NPEPPS: variants seen among roughly 807,000 people sequenced by gnomAD.
NPEPPS encodes puromycin-sensitive aminopeptidase.
NPEPPS carries 14 observed loss-of-function variants against 115.5 expected under a neutral mutation model. The observed-to-expected ratio is 0.12, with a 90% confidence interval of 0.08 to 0.19. The LOEUF (loss-of-function observed/expected upper bound fraction) is 0.19, where lower values mean the gene tolerates loss of function less well. Among genes scored for constraint, NPEPPS ranks in the 10% least tolerant of loss-of-function variants. The pLI is 1.00. For synonymous variants in NPEPPS, 285 were observed against 390.6 expected (o/e 0.73, Z 3.19); for missense variants, 523 against 1,110.8 (o/e 0.47, Z 7.52).
upstream of NPEPPS, among the ~76,000 whole-genome samples, chr17:47,526,899 A>G (rs1455111925): frequency 6.6e-6 from 1 of 152,166 alleles, no homozygotes; most frequent in African/African-American, 2.4e-5. Flanking sequence ...CGGAGCTTGC[A>G]GTGAGCTGAG....
In NPEPPS at chr17:47,622,659, A is replaced by G; in HGVS notation, c.*739A>G. 3.1e-6 allele frequency: 1 copy of G among 321,478 alleles called. No individual in the cohort carries two copies. The highest frequency in any genetic ancestry group is 5.8e-6 in the Non-Finnish European group (1 of 171,722). 19.9% of individuals were successfully genotyped at this position (321,478 alleles called of 1,614,324 possible). ...TGGTGTCCTTCTTAGAGATGAAGAA[A>G]TAATAAGGAAACATCTTTCATAGCC... On this transcript the variant is annotated 3_prime_UTR_variant, in exon 23 of 23. Coordinates refer to ENST00000322157, the MANE Select transcript of NPEPPS (RefSeq NM_006310.4).
Position 47,552,936 on chromosome 17 carries a change from GA to G in NPEPPS, c.340+6944del, listed in dbSNP as rs1453293185. ...TAGGTAATAAAACTGATAAATGTTA[GA>G]GCCAGGATTCAAACCCAGGCGGTTT... On this transcript the variant is annotated intron_variant, in intron 2 of 22. Coordinates refer to ENST00000322157, the MANE Select transcript of NPEPPS (RefSeq NM_006310.4). Among the ~76,000 whole-genome samples the G allele has an allele frequency of 3.3e-5, 5 of 152,272 alleles. No individual in the cohort carries two copies. In the East Asian group the frequency reaches 9.6e-4, roughly 29 times the overall value.
intron 2 of NPEPPS, among the ~76,000 whole-genome samples, chr17:47,552,844 A>G (rs1213401106): frequency 6.6e-6 from 1 of 152,216 alleles, no homozygotes; most frequent in Non-Finnish European, 1.5e-5. Flanking sequence ...TTTACTCTAT[A>G]CCAGGCACTA....
rs569458354 is a variant in NPEPPS at position 47,591,448 on chromosome 17, G to A, written c.1261-508G>A. Among the ~76,000 whole-genome samples the A allele has an allele frequency of 2.5e-3, 376 of 152,198 alleles. 3 individuals carry two copies. Among genetic ancestry groups the A allele is most frequent in the African/African-American group, 8.7e-3 (362 of 41,530 alleles). ...CTATGGTTCCATTGTTTATGTCAAGGAAAATTCTGGACATATTTTATTGTC... is the reference window on the plus strand; with the variant it reads ...CTATGGTTCCATTGTTTATGTCAAGAAAAATTCTGGACATATTTTATTGTC... On this transcript the variant is annotated intron_variant, in intron 10 of 22. Coordinates refer to ENST00000322157, the MANE Select transcript of NPEPPS (RefSeq NM_006310.4).
Position 47,524,159 on chromosome 17 carries a change from T to C in NPEPPS, c.77+1096T>C, listed in dbSNP as rs551066045. The stretch of plus-strand genomic sequence containing the variant: ...CCTCTCTACTAAAAATACAAAAAAT[T>C]AGCTGGGCGTGGTGGCAGGCACCTG... On this transcript the variant is annotated intron_variant, in intron 1 of 5. Coordinates refer to the NPEPPS transcript ENST00000525007. Among the ~76,000 whole-genome samples, 181 of 151,732 alleles carry C rather than the reference T, an allele frequency of 1.2e-3. 1 individual carries two copies. Among genetic ancestry groups the C allele is most frequent in the African/African-American group, 4.2e-3 (173 of 41,400 alleles).
chr17:47,547,408 A>T (rs868282945), intron 2 of NPEPPS, among the ~76,000 whole-genome samples: 1 of 151,118 alleles, frequency 6.6e-6, no homozygotes, highest in Non-Finnish European at 1.5e-5. Flanking sequence ...GGGCAGTGGC[A>T]TGATCTCAAC....
intron 1 of NPEPPS, among the ~76,000 whole-genome samples, chr17:47,534,599 C>G (rs924499885): frequency 1.3e-5 from 2 of 152,016 alleles, no homozygotes; most frequent in Non-Finnish European, 2.9e-5. Context: ...CGCTCTTTCT[C>G]CCAGGCTGGA....
At position 47,621,985 on chromosome 17, in the gene NPEPPS, C is replaced by CAGCT. The variant is rs2144003783; in HGVS notation, c.*66_*69dup. On this transcript the variant is annotated 3_prime_UTR_variant, in exon 23 of 23. Coordinates refer to ENST00000322157, the MANE Select transcript of NPEPPS (RefSeq NM_006310.4). The stretch of plus-strand genomic sequence containing the variant: ...GCAGGGATAAGGTGGAGCTACCGAA[C>CAGCT]AGCTGATTCATATGCCAAGAATTTG... 6.8e-7 allele frequency: 1 copy of CAGCT among 1,463,212 alleles called. No homozygotes were observed. Among genetic ancestry groups the CAGCT allele is most frequent in the East Asian group, 2.5e-5 (1 of 39,962 alleles). The allele number at this position is 1,463,212 out of a possible 1,614,324, so 90.6% of individuals were successfully genotyped here.
In NPEPPS at chr17:47,605,523, G is replaced by T; in HGVS notation, c.2066G>T (p.Arg689Ile). ...GATGTCTTTTCACCTATAGGGGAGA[G>T]ACTGGGCTGGGACCCCAAACCTGGA... ...VKDVFSPIGERLGWDPKPGEG... is the reference protein window; with the variant it reads ...VKDVFSPIGEILGWDPKPGEG... The change falls in exon 17 of 23, where the codon AGA becomes ATA. Residue 689 changes from arginine (R) to isoleucine (I), a missense_variant. Around this residue, in one of 4 missense-constraint regions of NPEPPS, gnomAD observed 372 missense variants for 542.6 expected, o/e 0.69. Coordinates refer to ENST00000322157, the MANE Select transcript of NPEPPS (RefSeq NM_006310.4). The T allele has an allele frequency of 6.3e-7, 1 of 1,595,888 alleles. No individual in the cohort carries two copies. The highest frequency in any genetic ancestry group is 8.5e-7 in the Non-Finnish European group (1 of 1,170,224).
In NPEPPS at chr17:47,601,471, G is replaced by C. The variant is rs918871105; in HGVS notation, c.1601-137G>C. 6.1e-6 allele frequency: 5 copies of C among 822,970 alleles called. No individual in the cohort carries two copies. In the Admixed American group the frequency reaches 7.4e-5, roughly 12 times the overall value. The allele number at this position is 822,970 out of a possible 1,614,324, so 51.0% of individuals were successfully genotyped here. ...CTGATACTATTCAGGTTATCTGGAA[G>C]AGTTCATGTACCACTAAGAATGAAC... On this transcript the variant is annotated intron_variant, in intron 14 of 22. Transcript: ENST00000322157.
intron 2 of NPEPPS, among the ~76,000 whole-genome samples, chr17:47,562,497 A>AT (rs1466205005): frequency 6.6e-6 from 1 of 151,914 alleles, no homozygotes; most frequent in Non-Finnish European, 1.5e-5. Context: ...AAGCAATTTG[A>AT]TTTTTCTCCA....
chr17:47,619,550 G>A (rs1438075984), intron 21 of NPEPPS, 187 bp from the exon 22 acceptor site: 10 of 575,512 alleles, frequency 1.7e-5, no homozygotes, highest in South Asian at 4.1e-5. Context: ...GTGAAACTCC[G>A]TCTCAAAAAA....
intron 2 of NPEPPS, among the ~76,000 whole-genome samples, chr17:47,554,135 G>T (rs1271054481): frequency 6.6e-6 from 1 of 151,628 alleles, no homozygotes; most frequent in Admixed American, 6.6e-5. Flanking sequence ...CTGCCTCCTG[G>T]GTTTAAGCAA....
intron 2 of NPEPPS, among the ~76,000 whole-genome samples, chr17:47,549,998 A>G (rs895801237): frequency 1.3e-5 from 2 of 149,126 alleles, no homozygotes; most frequent in African/African-American, 4.9e-5. Flanking sequence ...GCAGTGGCGC[A>G]GTCTCGGCTC....
intron 14 of NPEPPS, among the ~76,000 whole-genome samples, 180 bp from the exon 15 acceptor site, chr17:47,601,428 A>T (rs571841419): frequency 1.8e-4 from 28 of 152,232 alleles, no homozygotes; most frequent in African/African-American, 6.5e-4. Context: ...TTGTTAGTAA[A>T]TGATCCCTTC....
chr17:47,549,096 G>T (rs1909445443), intron 2 of NPEPPS, among the ~76,000 whole-genome samples: 1 of 152,002 alleles, frequency 6.6e-6, no homozygotes, highest in African/African-American at 2.4e-5. Context: ...TGTAATCCCA[G>T]CACTTTGGGA....
intron 1 of NPEPPS, among the ~76,000 whole-genome samples, chr17:47,541,263 G>T (rs1293765787): frequency 6.6e-6 from 1 of 152,030 alleles, no homozygotes; most frequent in Non-Finnish European, 1.5e-5. Context: ...ATTAAGACCA[G>T]TAACTAAACC....
intron 3 of NPEPPS, among the ~76,000 whole-genome samples, chr17:47,575,588 T>C (rs1358872693): frequency 1.4e-5 from 2 of 144,994 alleles, no homozygotes; most frequent in African/African-American, 2.6e-5. Context: ...TGAATTATTA[T>C]TATTATTATT....
chr17:47,532,886 T>C (rs2143655529), intron 1 of NPEPPS, among the ~76,000 whole-genome samples: 1 of 152,290 alleles, frequency 6.6e-6, no homozygotes, highest in East Asian at 1.9e-4. Flanking sequence ...AGGAAGCCTG[T>C]AATAAAAATG....
Sources: allele counts gnomAD v4.1 joint callset (sites outside exome capture counted in the v4.1 genomes callset), GRCh38; gene constraint gnomAD v4.1.1; regional missense constraint gnomAD v4.1.1; transcripts MANE v1.5; gene names NCBI Gene and HGNC (gene_info 2026-07-23, HGNC 2026-07-21).